The following DLGAP2 variants were observed in gnomAD, a reference collection of about 807,000 sequenced individuals.
The protein encoded by DLGAP2 is disks large-associated protein 2.
Under a neutral mutation model 100.3 loss-of-function variants are expected in DLGAP2, and 26 were observed. The ratio of observed to expected loss-of-function variants is 0.26; its 90% CI spans 0.19 to 0.36. DLGAP2 has a LOEUF of 0.36. Among genes scored for constraint, DLGAP2 ranks in the 10% least tolerant of loss-of-function variants. The pLI, the probability that DLGAP2 is intolerant of heterozygous loss-of-function variation, is 1.00. For synonymous variants in DLGAP2, 886 were observed against 630.1 expected, an observed-to-expected ratio of 1.41 and a Z score of -6.08; for missense variants, 1,858 against 1,453.2, an observed-to-expected ratio of 1.28 and a Z score of -4.53.
At chr8:1,217,544 C>A (rs1313529121) in intron 2 of DLGAP2, among the ~76,000 whole-genome samples, 2 of 152,052 alleles carry the variant, frequency 1.3e-5, no homozygotes, top group African/African-American at 4.8e-5. Flanking sequence ...ACTGCTTGGA[C>A]TGTTTTCCCA....
At chr8:1,055,067 A>G (rs1252394872) in intron 2 of DLGAP2, among the ~76,000 whole-genome samples, 1 of 152,226 alleles carries the variant, frequency 6.6e-6, no homozygotes, top group East Asian at 1.9e-4. Flanking sequence ...CACATTTAAG[A>G]TGTTTATAAG....
intron 3 of DLGAP2, among the ~76,000 whole-genome samples, chr8:1,275,050 C>G (rs534608557): frequency 1.3e-5 from 2 of 152,182 alleles, no homozygotes; most frequent in East Asian, 3.9e-4. Context: ...AGACAGAGCC[C>G]ACATTGGTGA....
At chr8:1,332,788 C>G (rs1165529585) in intron 3 of DLGAP2, among the ~76,000 whole-genome samples, 1 of 152,172 alleles carries the variant, frequency 6.6e-6, no homozygotes, top group Non-Finnish European at 1.5e-5. Flanking sequence ...TCTCTAGGGT[C>G]CTGGACCATT....
chr8:1,366,152 TC>T (rs1563108138), intron 3 of DLGAP2, among the ~76,000 whole-genome samples: 1 of 152,250 alleles, frequency 6.6e-6, no homozygotes, highest in East Asian at 1.9e-4. Flanking sequence ...TTTCCTATTT[TC>T]TTTTTCTTTC....
In DLGAP2 at chr8:1,566,132, A is replaced by C. The variant is rs148420736; in HGVS notation, c.1442+238A>C. ...TGTGCTTGGGCAACTTCCTTGTCAA[A>C]TTATAAAGCCAACATGAGCCATCGT... On this transcript the variant is annotated intron_variant, in intron 6 of 14. Transcript: ENST00000637795. 2.9e-3 allele frequency among the ~76,000 whole-genome samples: 436 copies of C among 152,326 alleles called. 2 individuals carry two copies. The highest frequency in any genetic ancestry group is 9.7e-3 in the African/African-American group (404 of 41,566).
chr8:1,697,338 C>G, intron 14 of DLGAP2, 39 bp downstream of exon 14: 1 of 1,551,910 alleles, frequency 6.4e-7, no homozygotes, highest in Non-Finnish European at 8.7e-7. Context: ...CAGCAAACCC[C>G]CTTTCTCACT....
intron 2 of DLGAP2, among the ~76,000 whole-genome samples, chr8:1,031,755 T>C (rs1276224609): frequency 2.0e-5 from 3 of 152,250 alleles, no homozygotes; most frequent in Non-Finnish European, 4.4e-5. Context: ...GGAAATAGTT[T>C]ATTTAGTACA....
intron 8 of DLGAP2, among the ~76,000 whole-genome samples, chr8:1,656,995 A>T (rs1393905446): frequency 6.6e-6 from 1 of 151,244 alleles, no homozygotes; most frequent in Non-Finnish European, 1.5e-5. Context: ...GAAGACACTT[A>T]AAAAAAATCA....
chr8:1,220,944 T>G (rs1372051520), intron 2 of DLGAP2, among the ~76,000 whole-genome samples: 1 of 152,218 alleles, frequency 6.6e-6, no homozygotes, highest in African/African-American at 2.4e-5. Flanking sequence ...TGTTTTCCAT[T>G]TGCTTGATAG....
rs531838232 is a variant in DLGAP2 at position 923,523 on chromosome 8, C to T, written c.73+15557C>T. On this transcript the variant is annotated intron_variant, in intron 2 of 14. Coordinates refer to ENST00000637795, the MANE Select transcript of DLGAP2 (RefSeq NM_001346810.2). ...ATTCAGAATGAAAAAGCTACAGTTC[C>T]TGAAGTTGACATAACTAGTTAGGAT... Among the ~76,000 whole-genome samples, 3 of 152,344 alleles carry T rather than the reference C, an allele frequency of 2.0e-5. No homozygotes were observed. In the South Asian group the frequency reaches 6.2e-4, roughly 32 times the overall value.
At chr8:996,722 T>A (rs1424341944) in intron 2 of DLGAP2, among the ~76,000 whole-genome samples, 2 of 152,210 alleles carry the variant, frequency 1.3e-5, no homozygotes, top group Non-Finnish European at 1.5e-5. Context: ...ATTCACTGTT[T>A]AATACTCAGT....
chr8:1,344,651 G>A (rs542779021), intron 3 of DLGAP2, among the ~76,000 whole-genome samples: 15 of 152,174 alleles, frequency 9.9e-5, no homozygotes, highest in Middle Eastern at 3.4e-3. Flanking sequence ...ACATCCTAAC[G>A]CTGGGCTCCA....
intron 3 of DLGAP2, among the ~76,000 whole-genome samples, chr8:1,438,401 T>C (rs930724485): frequency 3.9e-5 from 6 of 152,158 alleles, no homozygotes; most frequent in Admixed American, 3.3e-4. Flanking sequence ...GCCATTTTAG[T>C]GCGTTGCTAA....
chr8:738,090 G>T (rs1820366844), intron 1 of DLGAP2: 1 of 263,794 alleles, frequency 3.8e-6, no homozygotes, highest in South Asian at 1.7e-4. Context: ...CTGGGCTCCG[G>T]GGGTGCGGGA....
At chr8:1,291,199 C>G (rs151234346) in intron 3 of DLGAP2, among the ~76,000 whole-genome samples, 2,698 of 152,214 alleles carry the variant, frequency 0.018, 32 homozygotes, top group South Asian at 0.037. Context: ...AATGGTGTAA[C>G]TGCTCCAGTT....
At chr8:858,592 T>C (rs1485395803) in intron 1 of DLGAP2, among the ~76,000 whole-genome samples, 3 of 147,774 alleles carry the variant, frequency 2.0e-5, no homozygotes, top group African/African-American at 7.5e-5. Context: ...TGTGTGACGC[T>C]GTCACCGTGG....
At chr8:1,379,353 C>T (rs567459927) in intron 3 of DLGAP2, among the ~76,000 whole-genome samples, 1 of 152,248 alleles carries the variant, frequency 6.6e-6, no homozygotes, top group Non-Finnish European at 1.5e-5. Flanking sequence ...ATGTCCCTGG[C>T]ACAGCCGCCC....
chr8:787,759 A>G lies in DLGAP2; in HGVS notation c.18+49934A>G, dbSNP rs1204657203. ...TCGGAATGGTCACACCCAAAAGTTC[A>G]TCTTCCTGGAGTGTATTTGCACAGT... On this transcript the variant is annotated intron_variant, in intron 1 of 14. Coordinates refer to ENST00000637795, the MANE Select transcript of DLGAP2 (RefSeq NM_001346810.2). Among the ~76,000 whole-genome samples, 3 of 152,136 alleles carry G rather than the reference A, an allele frequency of 2.0e-5. 1 individual carries two copies. Among genetic ancestry groups the G allele is most frequent in the Non-Finnish European group, 4.4e-5 (3 of 68,020 alleles).
At chr8:1,179,102 T>C (rs1797325125) in intron 2 of DLGAP2, among the ~76,000 whole-genome samples, 2 of 152,262 alleles carry the variant, frequency 1.3e-5, no homozygotes, top group African/African-American at 4.8e-5. Context: ...CAAGTGACTT[T>C]TCTACACCTG....
Sources: allele counts gnomAD v4.1 joint callset (sites outside exome capture counted in the v4.1 genomes callset), GRCh38; gene constraint gnomAD v4.1.1; transcripts MANE v1.5; gene names NCBI Gene and HGNC (gene_info 2026-07-23, HGNC 2026-07-21).